The following SOCS2 variants were observed in gnomAD, a reference collection of about 807,000 sequenced individuals.
The protein encoded by SOCS2 is suppressor of cytokine signaling 2, also known as CIS-2.
A neutral mutation model predicts 18.6 loss-of-function variants in SOCS2; 10 were observed. The ratio of observed to expected loss-of-function variants is 0.54; its 90% CI spans 0.33 to 0.91. The LOEUF is 0.91. Ranked by LOEUF, SOCS2 falls within the 40% of genes least tolerant of loss-of-function variation. SOCS2 has a pLI of 0.02. For missense variants in SOCS2, 231 were observed against 247.2 expected, an observed-to-expected ratio of 0.93 and a Z score of 0.44; for synonymous variants, 104 against 104.0, an observed-to-expected ratio of 1.00 and a Z score of 0.00.
downstream of SOCS2, among the ~76,000 whole-genome samples, chr12:93,581,730 G>A (rs1193188665): frequency 6.6e-6 from 1 of 151,054 alleles, no homozygotes; most frequent in Non-Finnish European, 1.5e-5. Flanking sequence ...TTCTGCCAAC[G>A]TTTATTGAAT....
At chr12:93,624,030 C>T in the SOCS2 span, among the ~76,000 whole-genome samples, 203 of 152,204 alleles carry the variant, frequency 1.3e-3, 1 homozygote, top group Middle Eastern at 0.01. Context: ...GTCTTAATCA[C>T]GAATATTAAT....
chr12:93,599,741 A>G, the SOCS2 span, among the ~76,000 whole-genome samples: 1 of 152,216 alleles, frequency 6.6e-6, no homozygotes, highest in Non-Finnish European at 1.5e-5. Context: ...GGTTTGTTAT[A>G]AAAGCAAGTT....
chr12:93,614,480 T>TTCCTTCCTTCCC, the SOCS2 span, among the ~76,000 whole-genome samples: 3 of 26,136 alleles, frequency 1.1e-4, no homozygotes, highest in Admixed American at 3.9e-4. Context: ...CCTTCCTTCC[T>TTCCTTCCTTCCC]TTCCTTCCTT....
At chr12:93,603,290 T>C in the SOCS2 span, among the ~76,000 whole-genome samples, 1 of 152,208 alleles carries the variant, frequency 6.6e-6, no homozygotes, top group South Asian at 2.1e-4. Flanking sequence ...CCTTGTGCTA[T>C]ATGCATTGTT....
At chr12:93,601,338 G>T in the SOCS2 span, among the ~76,000 whole-genome samples, 1 of 151,602 alleles carries the variant, frequency 6.6e-6, no homozygotes, top group Non-Finnish European at 1.5e-5. Context: ...GCAGCGGTGT[G>T]GTCTCGGCTC....
At chr12:93,590,203 C>A in the SOCS2 span, among the ~76,000 whole-genome samples, 1 of 151,644 alleles carries the variant, frequency 6.6e-6, no homozygotes, top group Non-Finnish European at 1.5e-5. Flanking sequence ...CCACTGCACT[C>A]CAGACTGGGT....
chr12:93,573,653 A>AAAAGAAG (rs1232551175), intron 1 of SOCS2: 1 of 156,112 alleles, frequency 6.4e-6, no homozygotes, highest in African/African-American at 2.4e-5. Flanking sequence ...GAAAAAAGAA[A>AAAAGAAG]AAAAGTAAAG....
the SOCS2 span, among the ~76,000 whole-genome samples, chr12:93,591,945 C>A: frequency 6.6e-6 from 1 of 152,158 alleles, no homozygotes; most frequent in African/African-American, 2.4e-5. Context: ...ATAAGAGCAT[C>A]CCTTTTGTTT....
chr12:93,571,026 T>G (rs1337455379), upstream of SOCS2: 1 of 154,236 alleles, frequency 6.5e-6, no homozygotes, highest in African/African-American at 2.4e-5. Flanking sequence ...TCGCTGCTCC[T>G]GGGACCGACG....
the SOCS2 span, among the ~76,000 whole-genome samples, chr12:93,612,647 AG>A: frequency 1.2e-4 from 19 of 152,282 alleles, no homozygotes; most frequent in Admixed American, 6.5e-5. Context: ...CAACATAGGG[AG>A]GAATTGTATT....
downstream of SOCS2, among the ~76,000 whole-genome samples, chr12:93,587,076 G>A (rs1485567886): frequency 2.0e-5 from 3 of 152,230 alleles, no homozygotes; most frequent in South Asian, 2.1e-4. Context: ...GCTGAGGCAC[G>A]AGAATCACTT....
the SOCS2 span, among the ~76,000 whole-genome samples, chr12:93,596,046 T>C: frequency 6.6e-6 from 1 of 152,202 alleles, no homozygotes; most frequent in Non-Finnish European, 1.5e-5. Context: ...CTCAGAACTT[T>C]CACATTTCAC....
downstream of SOCS2, among the ~76,000 whole-genome samples, chr12:93,578,317 C>T (rs144173558): frequency 2.6e-5 from 4 of 151,972 alleles, no homozygotes; most frequent in African/African-American, 9.7e-5. Context: ...AAAATTGTAC[C>T]CTGTTAGGAG....
the SOCS2 span, among the ~76,000 whole-genome samples, chr12:93,614,535 CCTTCCTTCTTTCTTTCTTT>C: frequency 4.5e-5 from 4 of 88,390 alleles, no homozygotes; most frequent in South Asian, 3.5e-4. Context: ...TTCCTTCCTT[CCTTCCTTCTTTCTTTCTTT>C]CTTTCTTTCT....
At chr12:93,606,137 A>G in the SOCS2 span, among the ~76,000 whole-genome samples, 4 of 152,198 alleles carry the variant, frequency 2.6e-5, no homozygotes, top group South Asian at 8.3e-4. Context: ...ACTCTCCACT[A>G]CAACATCTAG....
At chr12:93,614,623 C>G in the SOCS2 span, among the ~76,000 whole-genome samples, 4 of 91,644 alleles carry the variant, frequency 4.4e-5, no homozygotes, top group African/African-American at 1.3e-4. Flanking sequence ...TTCTTTCTTT[C>G]TTTCTTTCTT....
chr12:93,598,437 G>A, the SOCS2 span, among the ~76,000 whole-genome samples: 1 of 152,178 alleles, frequency 6.6e-6, no homozygotes, highest in African/African-American at 2.4e-5. Context: ...AAAGGTATAA[G>A]CAGGGTCATG....
At chr12:93,577,996 C>T (rs1446798936), downstream of SOCS2, among the ~76,000 whole-genome samples, 1 of 152,154 alleles carries the variant, frequency 6.6e-6, no homozygotes, top group Non-Finnish European at 1.5e-5. Context: ...ATATGGTATA[C>T]AAGACTTATA....
At chr12:93,577,801 A>C (rs866893613), downstream of SOCS2, among the ~76,000 whole-genome samples, 1 of 152,054 alleles carries the variant, frequency 6.6e-6, no homozygotes, top group Non-Finnish European at 1.5e-5. Context: ...GGGGCTTCCT[A>C]TTTGATTTAG....
Sources: allele counts gnomAD v4.1 joint callset (sites outside exome capture counted in the v4.1 genomes callset), GRCh38; gene constraint gnomAD v4.1.1; transcripts MANE v1.5; gene names NCBI Gene and HGNC (gene_info 2026-07-23, HGNC 2026-07-21).